Variants in POLE observed in about 807,000 individuals in gnomAD.
POLE encodes DNA polymerase epsilon, catalytic subunit.
In POLE, 188 loss-of-function variants were observed where a neutral mutation model predicts 279.2. That is an observed-to-expected ratio of 0.67 (90% CI 0.60 to 0.76). The LOEUF is 0.76. POLE is among the 30% of genes least tolerant of loss of function. The probability of loss-of-function intolerance (pLI) is 0.00; values close to 1 mark genes in which losing one functional copy is unlikely to be tolerated. For synonymous variants in POLE, 1,214 were observed against 1,172.5 expected, an observed-to-expected ratio of 1.04 and a Z score of -0.72; for missense variants, 2,703 against 3,016.7, an observed-to-expected ratio of 0.90 and a Z score of 2.44.
chr12:132,625,312 C>T (rs1469083722), intron 47 of POLE: 1 of 726,034 alleles, frequency 1.4e-6, no homozygotes, highest in Non-Finnish European at 2.5e-6. Flanking sequence ...GCGCGTCCCC[C>T]AGCCTCTGCT....
intron 23 of POLE, 77 bp downstream of exon 23, chr12:132,663,927 G>A: frequency 6.7e-7 from 1 of 1,500,308 alleles, no homozygotes; most frequent in South Asian, 1.1e-5. Flanking sequence ...CACACTGTGA[G>A]GTGCTGCAGA....
intron 13 of POLE, 63 bp downstream of exon 13, chr12:132,673,512 G>A (rs2135998435): frequency 1.3e-6 from 2 of 1,573,260 alleles, no homozygotes; most frequent in Non-Finnish European, 1.7e-6. Context: ...GCCTGGGGCT[G>A]CTCCGTGGCC....
At chr12:132,679,862 T>C (rs1353509244) in intron 5 of POLE, 92 bp downstream of exon 5, 3 of 1,055,290 alleles carry the variant, frequency 2.8e-6, no homozygotes, top group African/African-American at 3.2e-5. Context: ...ACCCAACAGA[T>C]GACCTGAATT....
intron 21 of POLE, 81 bp downstream of exon 21, chr12:132,665,221 A>G: frequency 7.1e-7 from 1 of 1,402,378 alleles, no homozygotes; most frequent in Middle Eastern, 1.9e-4. Context: ...CTCCATGCAC[A>G]GCAGCCTACA....
In POLE at chr12:132,666,113, C is replaced by T. The variant is rs111537598; in HGVS notation, c.2320-663G>A. Among the ~76,000 whole-genome samples the T allele has an allele frequency of 3.1e-3, 475 of 152,348 alleles. 3 individuals carry two copies. Among genetic ancestry groups the T allele is most frequent in the African/African-American group, 0.011 (456 of 41,570 alleles). On this transcript the variant is annotated intron_variant, in intron 20 of 48. Transcript: ENST00000320574. ...ATCACCAAAAGCAGAGACCTGAAGA[C>T]GCACTTGCAGCCCATGTTGAAACCA...
rs1439673611 is a variant in POLE at position 132,623,779 on chromosome 12, T to C, written c.*918A>G. On this transcript the variant is annotated 3_prime_UTR_variant, in exon 49 of 49. Transcript: ENST00000320574. ...AACCTAGAGAAACTTCAGTATGAAA[T>C]ACAAATAAAAACAAAGTGTAGCAGC... The C allele has an allele frequency of 5.4e-6, 1 of 183,658 alleles. No homozygotes were observed. The highest frequency in any genetic ancestry group is 1.2e-5 in the Non-Finnish European group (1 of 86,498). 11.4% of individuals were successfully genotyped at this position (183,658 alleles called of 1,614,324 possible). A position where few individuals can be genotyped will look rare whatever the true frequency, so the allele number is the denominator to read the frequency against.
rs765890291 is a variant in POLE, at chr12:132,632,682, C to A, written c.6118G>T (p.Ala2040Ser). The A allele has an allele frequency of 6.2e-7, 1 of 1,614,000 alleles. No homozygotes were observed. The highest frequency in any genetic ancestry group is 1.1e-5 in the South Asian group (1 of 91,084). The stretch of plus-strand genomic sequence containing the variant: ...TGCTCACCGGGAAGGGCTCCGACCG[C>A]CCCCTCGGCCTCCTGGGAGAGCTGG... ...ASQLSQEAEGAVGALPGMITF... is the reference protein window; with the variant it reads ...ASQLSQEAEGSVGALPGMITF... Residue 2040 changes from alanine (A) to serine (S), a missense_variant, in exon 44 of 49, where the codon GCG (alanine) becomes TCG (serine). Physicochemically the swap from Ala to Ser is moderately conservative, Grantham distance 99. Transcript: ENST00000320574.
intron 1 of POLE, among the ~76,000 whole-genome samples, chr12:132,686,408 G>A (rs555345228): frequency 6.6e-6 from 1 of 152,112 alleles, no homozygotes; most frequent in African/African-American, 2.4e-5. Flanking sequence ...GACCTCGGGC[G>A]CGCACCACCA....
chr12:132,676,771 G>A (rs1261593381), intron 8 of POLE, 118 bp from the exon 9 acceptor site: 1 of 684,224 alleles, frequency 1.5e-6, no homozygotes, highest in Admixed American at 2.3e-5. Flanking sequence ...AAAGGCTCTA[G>A]AGCTGGGAGA....
chr12:132,629,564 C>G (rs893057535), intron 45 of POLE, among the ~76,000 whole-genome samples: 1 of 152,212 alleles, frequency 6.6e-6, no homozygotes, highest in East Asian at 1.9e-4. Context: ...AACCAACCTC[C>G]GCCAGCTTCA....
chr12:132,679,838 C>T (rs1293938985), intron 5 of POLE, 116 bp downstream of exon 5: 1 of 974,874 alleles, frequency 1.0e-6, no homozygotes. Flanking sequence ...AGACGGTCAC[C>T]ACACCGCCCC....
intron 32 of POLE, among the ~76,000 whole-genome samples, chr12:132,646,761 G>A (rs1244279893): frequency 6.6e-6 from 1 of 152,102 alleles, no homozygotes; most frequent in Non-Finnish European, 1.5e-5. Context: ...GAACCCGGGA[G>A]GCGGAGGTTG....
chr12:132,662,440 G>T (rs2042700923), intron 23 of POLE, among the ~76,000 whole-genome samples: 1 of 152,202 alleles, frequency 6.6e-6, no homozygotes, highest in Non-Finnish European at 1.5e-5. Flanking sequence ...GAAGGAGAAA[G>T]AAGTCACTAA....
intron 1 of POLE, among the ~76,000 whole-genome samples, chr12:132,682,051 C>T (rs1565982517): frequency 6.6e-6 from 1 of 151,874 alleles, no homozygotes; most frequent in South Asian, 2.1e-4. Context: ...ATCCCAGCAC[C>T]GTGGGAGGCC....
rs190408583 is a variant in POLE, at chr12:132,634,994, C to T, written c.5812-616G>A. ...GGCAGTCTTGGCTTCATCCTGCCAG[C>T]TCCCAGAAGCGTCTGCGTCCTTACA... On this transcript the variant is annotated intron_variant, in intron 42 of 48. Transcript: ENST00000320574. The surrounding 1 kb of genome is among the most constrained non-coding windows in gnomAD (Gnocchi z 4.0). Among the ~76,000 whole-genome samples the T allele has an allele frequency of 2.6e-4, 39 of 152,300 alleles. No individual in the cohort carries two copies. In the East Asian group the frequency reaches 7.3e-3, roughly 29 times the overall value.
chr12:132,666,430 A>T (rs997416120), intron 20 of POLE, among the ~76,000 whole-genome samples: 1 of 152,228 alleles, frequency 6.6e-6, no homozygotes, highest in African/African-American at 2.4e-5. Flanking sequence ...TCTACCAAAC[A>T]TACAACGATC....
chr12:132,667,189 T>C (rs969675367), intron 20 of POLE, among the ~76,000 whole-genome samples: 9 of 152,062 alleles, frequency 5.9e-5, no homozygotes, highest in African/African-American at 1.4e-4. Context: ...AGATAAACAA[T>C]AGGCGAAGGC....
At chr12:132,667,858 G>A (rs1390596230) in intron 19 of POLE, among the ~76,000 whole-genome samples, 2 of 152,174 alleles carry the variant, frequency 1.3e-5, no homozygotes, top group African/African-American at 4.8e-5. Context: ...GAGGCAGGCG[G>A]ATCACTTGAG....
Position 132,642,042 on chromosome 12 carries a change from G to A in POLE, c.5173+135C>T, listed in dbSNP as rs1034730113. ...CCACCTGGACCTTGACCCCAGGACCGTCTCCTGCAGCCTCAGCTCTGACCT... is the reference window on the plus strand; with the variant it reads ...CCACCTGGACCTTGACCCCAGGACCATCTCCTGCAGCCTCAGCTCTGACCT... On this transcript the variant is annotated intron_variant, in intron 38 of 48. Transcript: ENST00000320574. 3.1e-6 allele frequency: 3 copies of A among 957,408 alleles called. 1 individual carries two copies. The highest frequency in any genetic ancestry group is 3.3e-5 in the African/African-American group (2 of 61,528). 59.3% of individuals were successfully genotyped at this position (957,408 alleles called of 1,614,324 possible).
Sources: gnomAD v4.1 joint callset for allele counts (sites outside exome capture counted in the v4.1 genomes callset) on GRCh38, gnomAD v4.1.1 for gene constraint, Gnocchi (gnomAD v3.1) non-coding constraint, MANE v1.5 for transcripts, NCBI Gene and HGNC (gene_info 2026-07-23, HGNC 2026-07-21) for gene names.